The following WDR82 variants were observed in gnomAD, a reference collection of about 807,000 sequenced individuals.
The protein encoded by WDR82 is WD repeat-containing protein 82.
In WDR82, 8 loss-of-function variants were observed where a neutral mutation model predicts 36.1. The observed-to-expected ratio is 0.22, with a 90% CI of 0.13 to 0.40. The LOEUF is 0.40. Among genes scored for constraint, WDR82 ranks in the 10% least tolerant of loss-of-function variants. WDR82 has a pLI of 1.00. For missense variants in WDR82, 185 were observed against 400.5 expected (o/e 0.46, Z 4.59); for synonymous variants, 129 against 137.8 (o/e 0.94, Z 0.45).
intron 7 of WDR82, 114 bp from the exon 8 acceptor site, chr3:52,258,792 A>C: frequency 1.4e-6 from 2 of 1,456,966 alleles, no homozygotes; most frequent in Non-Finnish European, 1.9e-6. Context: ...CCCATCCCTC[A>C]GGCAAAATTG....
chr3:52,272,543 C>CAAAAAAAAAAAAAA (rs538212712), intron 1 of WDR82, among the ~76,000 whole-genome samples: 14 of 100,216 alleles, frequency 1.4e-4, no homozygotes, highest in African/African-American at 5.2e-4. Context: ...GACTCCATCT[C>CAAAAAAAAAAAAAA]AAAAAAAAAA....
intron 2 of WDR82, chr3:52,268,228 C>T: frequency 2.3e-6 from 1 of 438,916 alleles, no homozygotes; most frequent in Non-Finnish European, 4.9e-6. Flanking sequence ...CAGAGATGAG[C>T]AGGGTGACGC....
rs1337441154 is a variant in WDR82, at chr3:52,256,570, A to T, written c.*920T>A. The stretch of plus-strand genomic sequence containing the variant: ...ACAATTTGTGGTGGGCAGGGAAGGC[A>T]TCAGTGTAAACAACTCAGACTCACT... On this transcript the variant is annotated 3_prime_UTR_variant, in exon 9 of 9. Coordinates refer to ENST00000296490, the MANE Select transcript of WDR82 (RefSeq NM_025222.4). 3 of 153,824 alleles carry T rather than the reference A, an allele frequency of 2.0e-5. No individual in the cohort carries two copies. Among genetic ancestry groups the T allele is most frequent in the African/African-American group, 7.2e-5 (3 of 41,456 alleles). The allele number at this position is 153,824 out of a possible 1,614,324, so 9.5% of individuals were successfully genotyped here. A position where few individuals can be genotyped will look rare whatever the true frequency, so the allele number is the denominator to read the frequency against.
intron 3 of WDR82, among the ~76,000 whole-genome samples, chr3:52,264,789 T>C (rs1338355008): frequency 6.6e-6 from 1 of 152,024 alleles, no homozygotes; most frequent in East Asian, 1.9e-4. Context: ...GATAGATGTT[T>C]AAAAGAACTC....
rs2107330474 is a variant in WDR82 at position 52,259,178 on chromosome 3, G to C, written c.769+19C>G. On this transcript the variant is annotated intron_variant, in intron 7 of 8. Coordinates refer to ENST00000296490, the MANE Select transcript of WDR82 (RefSeq NM_025222.4). The stretch of plus-strand genomic sequence containing the variant: ...AGTACCAGAGAAATAACCCCCACAG[G>C]GGATAAAAGGAAACTCACCAATCAT... 1 of 1,610,588 alleles carries C rather than the reference G, an allele frequency of 6.2e-7. No homozygotes were observed. The highest frequency in any genetic ancestry group is 1.1e-5 in the South Asian group (1 of 90,866).
chr3:52,273,884 A>T (rs1332883417), intron 1 of WDR82, among the ~76,000 whole-genome samples: 1 of 152,162 alleles, frequency 6.6e-6, no homozygotes, highest in Non-Finnish European at 1.5e-5. Context: ...GGCCTCCCAA[A>T]GTGCTGGGAT....
chr3:52,275,287 G>A (rs1327271306), intron 1 of WDR82, among the ~76,000 whole-genome samples: 1 of 152,118 alleles, frequency 6.6e-6, no homozygotes, highest in Non-Finnish European at 1.5e-5. Context: ...TTTCTTCTGA[G>A]GTCGGTTTGA....
rs1016550148 is a variant in WDR82 at position 52,268,201 on chromosome 3, C to G, written c.260-1183G>C. On this transcript the variant is annotated intron_variant, in intron 2 of 8. Coordinates refer to ENST00000296490, the MANE Select transcript of WDR82 (RefSeq NM_025222.4). ...GCCCTAAGAAGAAAAAGACTTCCTC[C>G]CCATTACCTGGTTTCCCAGAGATGA... 1.3e-4 allele frequency: 54 copies of G among 406,910 alleles called. No individual in the cohort carries two copies. In the Admixed American group the frequency reaches 1.6e-3, roughly 12 times the overall value. The allele number at this position is 406,910 out of a possible 1,614,324, so 25.2% of individuals were successfully genotyped here.
At chr3:52,259,963 G>C in intron 5 of WDR82, 91 bp from the exon 6 acceptor site, 12 of 1,438,148 alleles carry the variant, frequency 8.3e-6, no homozygotes, top group South Asian at 4.1e-5. Context: ...ATTACTTTTT[G>C]ACTAAGGAAA....
intron 1 of WDR82, among the ~76,000 whole-genome samples, chr3:52,273,010 T>TG (rs1700168283): frequency 6.6e-6 from 1 of 152,242 alleles, no homozygotes; most frequent in African/African-American, 2.4e-5. Flanking sequence ...GGTTCTGATG[T>TG]GGGGTTACTG....
rs576243502 is a variant in WDR82 at position 52,277,057 on chromosome 3, A to G, written c.161+1144T>C. ...AGCTGGAGAAGGTGGAGAAAAACCC[A>G]AGATCTCAAATAATAATAATAATAA... On this transcript the variant is annotated intron_variant, in intron 1 of 8. Coordinates refer to ENST00000296490, the MANE Select transcript of WDR82 (RefSeq NM_025222.4). 2.2e-5 allele frequency among the ~76,000 whole-genome samples: 3 copies of G among 134,062 alleles called. No individual in the cohort carries two copies. The East Asian group carries it at 6.2e-4, about 28-fold the overall frequency. The allele number at this position is 134,062 out of a possible 152,430, so 87.9% of individuals were successfully genotyped here.
In WDR82 at chr3:52,278,544, A is replaced by C; in HGVS notation, c.-183T>G. 1 of 474,774 alleles carries C rather than the reference A, an allele frequency of 2.1e-6. No individual in the cohort carries two copies. Among genetic ancestry groups the C allele is most frequent in the Non-Finnish European group, 3.4e-6 (1 of 296,510 alleles). 29.4% of individuals were successfully genotyped at this position (474,774 alleles called of 1,614,324 possible). On this transcript the variant is annotated 5_prime_UTR_variant, in exon 1 of 9. Coordinates refer to ENST00000296490, the MANE Select transcript of WDR82 (RefSeq NM_025222.4). Reference sequence around the variant, plus strand: ...GCTTGGTCGAGGGTCTTCTGCCTGGACTGTGGAGCCTCGCCGACCGTTCGT... The same window carrying C: ...GCTTGGTCGAGGGTCTTCTGCCTGGCCTGTGGAGCCTCGCCGACCGTTCGT...
chr3:52,271,655 G>C (rs1265177825), intron 1 of WDR82, among the ~76,000 whole-genome samples: 1 of 151,956 alleles, frequency 6.6e-6, no homozygotes, highest in Non-Finnish European at 1.5e-5. Flanking sequence ...GCTTGCCTTT[G>C]CTAATGTAAC....
intron 4 of WDR82, 133 bp from the exon 5 acceptor site, chr3:52,260,634 C>A: frequency 2.1e-6 from 1 of 482,368 alleles, no homozygotes; most frequent in South Asian, 5.3e-5. Flanking sequence ...TTACTTTTCC[C>A]AATTAAAACT....
intron 1 of WDR82, among the ~76,000 whole-genome samples, chr3:52,273,795 T>C (rs1287833871): frequency 6.6e-6 from 1 of 152,146 alleles, no homozygotes; most frequent in Non-Finnish European, 1.5e-5. Context: ...CTAATTTTTG[T>C]ATTTTTCTGT....
At chr3:52,273,355 C>T (rs1332720786) in intron 1 of WDR82, among the ~76,000 whole-genome samples, 3 of 151,862 alleles carry the variant, frequency 2.0e-5, no homozygotes, top group African/African-American at 4.8e-5. Flanking sequence ...CACTGGAACC[C>T]GGGACATGGA....
In WDR82 at chr3:52,278,441, A is replaced by T; in HGVS notation, c.-80T>A. 8.7e-7 allele frequency: 1 copy of T among 1,145,304 alleles called. No individual in the cohort carries two copies. The highest frequency in any genetic ancestry group is 1.1e-6 in the Non-Finnish European group (1 of 926,972). 70.9% of individuals were successfully genotyped at this position (1,145,304 alleles called of 1,614,324 possible). ...GAGCGGGCGGGCTGCCGAGGGGCCA[A>T]CCCAGGCGGGGCGGGCGCCGCGCCG... On this transcript the variant is annotated 5_prime_UTR_variant, in exon 1 of 9. The change creates a new upstream start codon in the 5' untranslated region. Coordinates refer to ENST00000296490, the MANE Select transcript of WDR82 (RefSeq NM_025222.4).
chr3:52,268,666 A>T (rs550977313), intron 2 of WDR82, among the ~76,000 whole-genome samples: 153 of 152,182 alleles, frequency 1.0e-3, no homozygotes, highest in Non-Finnish European at 1.9e-3. Context: ...AAATACAGGC[A>T]TGAAAAGTAG....
chr3:52,265,686 G>C (rs943949368), intron 3 of WDR82, among the ~76,000 whole-genome samples: 1 of 149,988 alleles, frequency 6.7e-6, no homozygotes, highest in Non-Finnish European at 1.5e-5. Flanking sequence ...AGCAATTCTC[G>C]TGCCTGAGCC....
Sources: gnomAD v4.1 joint callset for allele counts (sites outside exome capture counted in the v4.1 genomes callset) on GRCh38, gnomAD v4.1.1 for gene constraint, MANE v1.5 for transcripts, NCBI Gene and HGNC (gene_info 2026-07-23, HGNC 2026-07-21) for gene names.